IGFBP2: variants seen among roughly 807,000 people sequenced by gnomAD.
IGFBP2 encodes the protein insulin-like growth factor-binding protein 2.
IGFBP2 carries 12 observed loss-of-function variants against 26.2 expected under a neutral mutation model. The ratio of observed to expected loss-of-function variants is 0.46; its 90% CI spans 0.29 to 0.74. The LOEUF (loss-of-function observed/expected upper bound fraction) is 0.74. Ranked by LOEUF, IGFBP2 falls within the 30% of genes least tolerant of loss-of-function variation. IGFBP2 has a pLI of 0.09. For missense variants in IGFBP2, 328 were observed against 441.2 expected (o/e 0.74, Z 2.30); for synonymous variants, 189 against 200.6 (o/e 0.94, Z 0.49).
chr2:216,654,574 A>T (rs920458239), intron 1 of IGFBP2, among the ~76,000 whole-genome samples: 2 of 152,184 alleles, frequency 1.3e-5, no homozygotes, highest in Non-Finnish European at 2.9e-5. Context: ...ATGCTTTCTG[A>T]TCTCTGCCTG....
intron 1 of IGFBP2, among the ~76,000 whole-genome samples, chr2:216,635,375 C>G (rs1009872006): frequency 2.0e-5 from 3 of 152,096 alleles, no homozygotes; most frequent in Admixed American, 1.3e-4. Flanking sequence ...AAGGAAAAAG[C>G]CCCCACGAAA....
rs762163666 is a variant in IGFBP2 at position 216,664,086 on chromosome 2, C to A, written c.960C>A (p.His320Gln). Reference sequence around the variant, plus strand: ...AGCAGCAGGAGGCTCGCGGGGTGCACACCCAGCGGATGCAGTAGACCGCAG... The same window carrying A: ...AGCAGCAGGAGGCTCGCGGGGTGCAAACCCAGCGGATGCAGTAGACCGCAG... ...YNEQQEARGV[H>Q]TQRMQ Residue 320 changes from histidine (H) to glutamine (Q), a missense_variant, in exon 4 of 4, where the codon CAC becomes CAA. Transcript: ENST00000233809. This position sits in a 1 kb window ranked among gnomAD's most constrained non-coding sequence, Gnocchi z 4.6. 6.2e-7 allele frequency: 1 copy of A among 1,609,724 alleles called. No homozygotes were observed. The highest frequency in any genetic ancestry group is 1.3e-5 in the African/African-American group (1 of 74,878).
chr2:216,637,024 G>A (rs1259462396), intron 1 of IGFBP2, among the ~76,000 whole-genome samples: 1 of 151,766 alleles, frequency 6.6e-6, no homozygotes, highest in Non-Finnish European at 1.5e-5. Flanking sequence ...GATTTACAGT[G>A]GTTCAGTGCA....
chr2:216,633,567 C>CGCAGCTGCT lies in IGFBP2; in HGVS notation c.46_47insAGCTGCTGC (p.Pro15_Pro16insGlnLeuLeu). 1 of 970,434 alleles carries CGCAGCTGCT rather than the reference C, an allele frequency of 1.0e-6. No homozygotes were observed. The highest frequency in any genetic ancestry group is 1.2e-6 in the Non-Finnish European group (1 of 810,996). The allele number at this position is 970,434 out of a possible 1,614,324, so 60.1% of individuals were successfully genotyped here. A position where few individuals can be genotyped will look rare whatever the true frequency, so the allele number is the denominator to read the frequency against. On this transcript the variant is annotated inframe_insertion, in exon 1 of 4. Coordinates refer to ENST00000233809, the MANE Select transcript of IGFBP2 (RefSeq NM_000597.3). ...TGCCCCGCGCTGCCGCTGCCGCCGCCGCCGCTGCTGCCGCTGCTGCTGCTG... is the reference window on the plus strand; with the variant it reads ...TGCCCCGCGCTGCCGCTGCCGCCGCCGCAGCTGCTGCCGCTGCTGCCGCTGCTGCTGCTG...
rs2106210194 is a variant in IGFBP2 at position 216,664,394 on chromosome 2, C to A, written c.*290C>A. 3.6e-6 allele frequency: 1 copy of A among 280,444 alleles called. No homozygotes were observed. Among genetic ancestry groups the A allele is most frequent in the East Asian group, 6.2e-5 (1 of 16,156 alleles). 17.4% of individuals were successfully genotyped at this position (280,444 alleles called of 1,614,324 possible). A position where few individuals can be genotyped will look rare whatever the true frequency, so the allele number is the denominator to read the frequency against. On this transcript the variant is annotated 3_prime_UTR_variant, in exon 4 of 4. Coordinates refer to ENST00000233809, the MANE Select transcript of IGFBP2 (RefSeq NM_000597.3). This position sits in a 1 kb window ranked among gnomAD's most constrained non-coding sequence, Gnocchi z 4.6. Reference sequence around the variant, plus strand: ...GGAAGAGAAATTTTTATTTTTGAACCCCTGTGTCCCTTTTGCATAAGATTA... The same window carrying A: ...GGAAGAGAAATTTTTATTTTTGAACACCTGTGTCCCTTTTGCATAAGATTA...
chr2:216,646,020 T>C (rs773955285), intron 1 of IGFBP2, among the ~76,000 whole-genome samples: 1 of 152,228 alleles, frequency 6.6e-6, no homozygotes, highest in Non-Finnish European at 1.5e-5. Context: ...CAGACAAAAT[T>C]AGTGAACTTT....
At chr2:216,645,118 GA>G (rs1559176263) in intron 1 of IGFBP2, among the ~76,000 whole-genome samples, 1 of 152,186 alleles carries the variant, frequency 6.6e-6, no homozygotes, top group African/African-American at 2.4e-5. Flanking sequence ...CCGAGGCCAA[GA>G]ACAAAATGAA....
At chr2:216,653,625 T>C (rs1697866748) in intron 1 of IGFBP2, among the ~76,000 whole-genome samples, 1 of 152,178 alleles carries the variant, frequency 6.6e-6, no homozygotes, top group African/African-American at 2.4e-5. Flanking sequence ...CAACGATCCA[T>C]TTCTTTTCAT....
chr2:216,658,880 G>A (rs371710126), intron 1 of IGFBP2, among the ~76,000 whole-genome samples: 7 of 152,076 alleles, frequency 4.6e-5, no homozygotes, highest in South Asian at 2.1e-4. Context: ...CTTTTCTTTC[G>A]TCATACTCTC....
At chr2:216,655,415 C>T (rs1697901184) in intron 1 of IGFBP2, among the ~76,000 whole-genome samples, 1 of 152,128 alleles carries the variant, frequency 6.6e-6, no homozygotes, top group African/African-American at 2.4e-5. Context: ...TTATAAGGAG[C>T]TCTTCCCCGC....
chr2:216,636,354 G>A (rs549234703), intron 1 of IGFBP2, among the ~76,000 whole-genome samples: 1 of 152,224 alleles, frequency 6.6e-6, no homozygotes, highest in East Asian at 1.9e-4. Context: ...TCGAGGCAGC[G>A]AACCTCAGCA....
intron 1 of IGFBP2, among the ~76,000 whole-genome samples, chr2:216,651,279 T>C (rs1402089309): frequency 2.6e-5 from 4 of 152,212 alleles, no homozygotes; most frequent in Non-Finnish European, 5.9e-5. Flanking sequence ...AGCCTGTTGG[T>C]GGGCTGTGCT....
Position 216,661,964 on chromosome 2 carries a change from A to G in IGFBP2, c.779A>G (p.Asn260Ser), listed in dbSNP as rs758606452. 12 of 1,613,978 alleles carry G rather than the reference A, an allele frequency of 7.4e-6. No homozygotes were observed. Among genetic ancestry groups the G allele is most frequent in the African/African-American group, 1.3e-5 (1 of 74,890 alleles). Residue 260 changes from asparagine (N) to serine (S), a missense_variant, in exon 3 of 4, where the codon AAC (asparagine) becomes AGC (serine). By Grantham distance (46) the Asn-to-Ser change is conservative. Transcript: ENST00000233809. ...CACCTCTACTCCCTGCACATCCCCA[A>G]CTGTGACAAGCATGGCCTGTACAAC... ...LEHLYSLHIP[N>S]CDKHGLYNLK...
intron 1 of IGFBP2, among the ~76,000 whole-genome samples, chr2:216,647,938 T>C (rs1028752893): frequency 5.3e-5 from 8 of 152,314 alleles, no homozygotes; most frequent in African/African-American, 1.9e-4. Context: ...CTCCCAGCTA[T>C]GGCAGTGCTT....
Position 216,661,879 on chromosome 2 carries a change from G to T in IGFBP2, c.694G>T (p.Asp232Tyr). The T allele has an allele frequency of 6.2e-7, 1 of 1,614,210 alleles. No individual in the cohort carries two copies. The highest frequency in any genetic ancestry group is 8.5e-7 in the Non-Finnish European group (1 of 1,180,040). The change falls in exon 3 of 4, where the codon GAC (aspartate) becomes TAC (tyrosine). Residue 232 changes from aspartate to tyrosine, a missense_variant. Asp to Tyr is a radical substitution (Grantham distance 160). Coordinates refer to ENST00000233809, the MANE Select transcript of IGFBP2 (RefSeq NM_000597.3). ...GCAGACTCCCTGCCAACAGGAACTG[G>T]ACCAGGTCCTGGAGCGGATCTCCAC... Reference protein sequence around the residue: ...PARTPCQQELDQVLERISTMR... With the variant: ...PARTPCQQELYQVLERISTMR...
intron 1 of IGFBP2, 52 bp from the exon 2 acceptor site, chr2:216,660,505 G>A (rs752238787): frequency 8.8e-5 from 126 of 1,429,762 alleles, no homozygotes; most frequent in East Asian, 6.9e-5. Flanking sequence ...CGGAGGGCAC[G>A]TCTCTCTGGG....
At chr2:216,661,169 C>G (rs1242453052) in intron 2 of IGFBP2, 1 of 295,922 alleles carries the variant, frequency 3.4e-6, no homozygotes, top group East Asian at 9.5e-5. Context: ...ATGGTGCCAT[C>G]ACACCTCACT....
chr2:216,661,839 CTG>C lies in IGFBP2; in HGVS notation c.673-18_673-17del, dbSNP rs767881970. ...CTGCTGTCCTCACTCCGGGCGTCCC[CTG>C]CTGTCTGTGCGTGCAGACTCCCTGC... On this transcript the variant is annotated splice_polypyrimidine_tract_variant and intron_variant, in intron 2 of 3. Coordinates refer to ENST00000233809, the MANE Select transcript of IGFBP2 (RefSeq NM_000597.3). The C allele has an allele frequency of 8.7e-6, 14 of 1,613,894 alleles. No individual in the cohort carries two copies.
chr2:216,659,637 T>G, intron 1 of IGFBP2: 1 of 1,124,642 alleles, frequency 8.9e-7, no homozygotes, highest in Non-Finnish European at 1.3e-6. Flanking sequence ...AGGCTGGAGC[T>G]GTTTTCAAGG....
Sources: allele counts gnomAD v4.1 joint callset (sites outside exome capture counted in the v4.1 genomes callset), GRCh38; gene constraint gnomAD v4.1.1; non-coding constraint Gnocchi (gnomAD v3.1); transcripts MANE v1.5; gene names NCBI Gene and HGNC (gene_info 2026-07-23, HGNC 2026-07-21).